CNTN3: variants seen among roughly 807,000 people sequenced by gnomAD.
The protein encoded by CNTN3 is contactin 3.
A neutral mutation model predicts 119.1 loss-of-function variants in CNTN3; 60 were observed. The ratio of observed to expected loss-of-function variants is 0.50; its 90% CI spans 0.41 to 0.62. CNTN3 has a LOEUF of 0.62. Ranked by LOEUF, CNTN3 falls within the 20% of genes least tolerant of loss-of-function variation. CNTN3 has a pLI of 0.00. For synonymous variants in CNTN3, 450 were observed against 438.7 expected (o/e 1.03, Z -0.32); for missense variants, 1,101 against 1,242.4 (o/e 0.89, Z 1.71).
At chr3:74,430,349 A>G (rs1182930551) in intron 4 of CNTN3, among the ~76,000 whole-genome samples, 1 of 152,212 alleles carries the variant, frequency 6.6e-6, no homozygotes. Flanking sequence ...CCCCTTTGGT[A>G]AATCTTCAGG....
rs148842401 is a variant in CNTN3 at position 74,458,399 on chromosome 3, T to C, written c.358+28057A>G. 6.8e-3 allele frequency among the ~76,000 whole-genome samples: 1,030 copies of C among 152,050 alleles called. 17 individuals are homozygous for C. The highest frequency in any genetic ancestry group is 0.024 in the African/African-American group (986 of 41,510). On this transcript the variant is annotated intron_variant, in intron 4 of 22. Transcript: ENST00000263665. ...TAAAAATGGCTTGTATATTTTAAGT[T>C]GCTGGAAAAAAAATCAAAGGAATAA...
intron 4 of CNTN3, among the ~76,000 whole-genome samples, chr3:74,463,249 A>C (rs1334834924): frequency 2.0e-5 from 3 of 152,066 alleles, no homozygotes; most frequent in Non-Finnish European, 4.4e-5. Context: ...AAGTGTGGAA[A>C]CCTTATGAGT....
chr3:74,598,280 C>T (rs900938443), intron 1 of CNTN3, among the ~76,000 whole-genome samples: 2 of 151,976 alleles, frequency 1.3e-5, no homozygotes, highest in African/African-American at 4.8e-5. Context: ...GTGAGAGACA[C>T]CAAGCCATCC....
intron 2 of CNTN3, among the ~76,000 whole-genome samples, chr3:74,520,441 T>TA (rs1165425768): frequency 1.3e-5 from 2 of 151,478 alleles, no homozygotes; most frequent in Admixed American, 6.6e-5. Context: ...TACACTATTT[T>TA]AAAAAAACTC....
At chr3:74,597,145 T>G (rs2106697767) in intron 1 of CNTN3, among the ~76,000 whole-genome samples, 1 of 152,196 alleles carries the variant, frequency 6.6e-6, no homozygotes, top group East Asian at 1.9e-4. Context: ...ATTTAAAAAT[T>G]TGTTAATGCA....
At chr3:74,493,127 A>T (rs1183684352) in intron 3 of CNTN3, among the ~76,000 whole-genome samples, 3 of 152,160 alleles carry the variant, frequency 2.0e-5, no homozygotes, top group Non-Finnish European at 4.4e-5. Flanking sequence ...ATTATTTAAC[A>T]TATTAGGTAT....
intron 16 of CNTN3, among the ~76,000 whole-genome samples, chr3:74,300,728 T>C (rs1702438047): frequency 6.6e-6 from 1 of 152,230 alleles, no homozygotes; most frequent in East Asian, 1.9e-4. Flanking sequence ...ACCAGCTCTA[T>C]TTCAAACTTC....
At chr3:74,533,644 C>T (rs1397865673) in intron 1 of CNTN3, among the ~76,000 whole-genome samples, 2 of 151,986 alleles carry the variant, frequency 1.3e-5, no homozygotes, top group African/African-American at 4.8e-5. Flanking sequence ...ATTTCCTAGT[C>T]AATCCCTGGG....
At chr3:74,410,877 AT>A (rs1271059752) in intron 5 of CNTN3, among the ~76,000 whole-genome samples, 1 of 152,084 alleles carries the variant, frequency 6.6e-6, no homozygotes, top group Non-Finnish European at 1.5e-5. Flanking sequence ...GCATCCCTTA[AT>A]TTTCTCCTCC....
intron 3 of CNTN3, among the ~76,000 whole-genome samples, chr3:74,489,876 G>C (rs1406801282): frequency 6.6e-6 from 1 of 152,130 alleles, no homozygotes; most frequent in South Asian, 2.1e-4. Context: ...AAAGCTCTCA[G>C]CTCAGTGCTT....
At chr3:74,484,379 G>A (rs955443643) in intron 4 of CNTN3, among the ~76,000 whole-genome samples, 2 of 151,968 alleles carry the variant, frequency 1.3e-5, no homozygotes, top group Non-Finnish European at 2.9e-5. Context: ...ACAAAAATAT[G>A]AATCAGGAAC....
intron 19 of CNTN3, among the ~76,000 whole-genome samples, chr3:74,286,048 A>G (rs762605027): frequency 2.6e-5 from 4 of 152,070 alleles, no homozygotes; most frequent in Non-Finnish European, 5.9e-5. Context: ...ACTACAACTG[A>G]AAGAACAGAC....
intron 19 of CNTN3, among the ~76,000 whole-genome samples, chr3:74,289,947 A>C (rs939184549): frequency 7.2e-5 from 11 of 152,222 alleles, no homozygotes; most frequent in Non-Finnish European, 1.5e-5. Flanking sequence ...GTGTGGACTT[A>C]ACTAGACACT....
intron 4 of CNTN3, among the ~76,000 whole-genome samples, chr3:74,453,943 T>G (rs1286049293): frequency 6.6e-6 from 1 of 152,054 alleles, no homozygotes; most frequent in Non-Finnish European, 1.5e-5. Context: ...ATGTGGTCAA[T>G]TTTGGAATAG....
At chr3:74,398,861 GTTAA>G (rs1705118866) in intron 5 of CNTN3, among the ~76,000 whole-genome samples, 1 of 152,048 alleles carries the variant, frequency 6.6e-6, no homozygotes. Flanking sequence ...TTATCACGTG[GTTAA>G]TTTTTTAATT....
chr3:74,328,822 G>A (rs1703191893), intron 13 of CNTN3, among the ~76,000 whole-genome samples: 1 of 152,146 alleles, frequency 6.6e-6, no homozygotes, highest in South Asian at 2.1e-4. Context: ...ATGCTTCAAC[G>A]ACGTGGGTTC....
chr3:74,375,762 C>T (rs11915551), intron 5 of CNTN3, among the ~76,000 whole-genome samples: 7,104 of 152,226 alleles, frequency 0.047, 571 homozygotes, highest in African/African-American at 0.16. Flanking sequence ...CTCCTTGAAA[C>T]TCCATAAGCA....
rs147174748 is a variant in CNTN3 at position 74,571,204 on chromosome 3, T to C, written c.-81+43187A>G. Among the ~76,000 whole-genome samples the C allele has an allele frequency of 2.6e-3, 403 of 152,330 alleles. 5 individuals are homozygous for C. The highest frequency in any genetic ancestry group is 8.6e-3 in the African/African-American group (356 of 41,580). Reference sequence around the variant, plus strand: ...CATTTAATACATATGAAGTGTTGAATATCATTTCTGCACATCATAAGCATC... The same window carrying C: ...CATTTAATACATATGAAGTGTTGAACATCATTTCTGCACATCATAAGCATC... On this transcript the variant is annotated intron_variant, in intron 1 of 22. Transcript: ENST00000263665.
chr3:74,399,309 G>C, intron 5 of CNTN3, among the ~76,000 whole-genome samples: 1 of 151,708 alleles, frequency 6.6e-6, no homozygotes, highest in Non-Finnish European at 1.5e-5. Flanking sequence ...TCCACTTTCT[G>C]ACAGGCCCCA....
Sources: allele counts gnomAD v4.1 joint callset (sites outside exome capture counted in the v4.1 genomes callset), GRCh38; gene constraint gnomAD v4.1.1; transcripts MANE v1.5; gene names NCBI Gene and HGNC (gene_info 2026-07-23, HGNC 2026-07-21).